The following IPO11 variants were observed in gnomAD, a reference collection of about 807,000 sequenced individuals.
IPO11 encodes importin 11.
A neutral mutation model predicts 143.2 loss-of-function variants in IPO11; 66 were observed. That is an observed-to-expected ratio of 0.46 (90% confidence interval 0.38 to 0.57). The LOEUF (loss-of-function observed/expected upper bound fraction) is 0.57, where lower values mean the gene tolerates loss of function less well. IPO11 is among the 20% of genes least tolerant of loss of function. The pLI is 0.00. For synonymous variants in IPO11, 385 were observed against 377.8 expected (o/e 1.02, Z -0.22); for missense variants, 1,026 against 1,141.0 (o/e 0.90, Z 1.45).
intron 27 of IPO11, among the ~76,000 whole-genome samples, chr5:62,587,788 T>A (rs1283424573): frequency 1.3e-5 from 2 of 152,226 alleles, no homozygotes; most frequent in African/African-American, 4.8e-5. Context: ...GATACTATTA[T>A]GCCTCCATGT....
At chr5:62,450,780 T>A (rs1206330141) in intron 4 of IPO11, among the ~76,000 whole-genome samples, 1 of 152,122 alleles carries the variant, frequency 6.6e-6, no homozygotes, top group Non-Finnish European at 1.5e-5. Context: ...TACAGCTTTA[T>A]CTTTTTTTTT....
At chr5:62,548,296 G>A (rs1342936150) in intron 24 of IPO11, among the ~76,000 whole-genome samples, 1 of 152,060 alleles carries the variant, frequency 6.6e-6, no homozygotes, top group Non-Finnish European at 1.5e-5. Context: ...TGTCCAATAT[G>A]TTCAGACACA....
chr5:62,449,888 G>A, intron 3 of IPO11, 39 bp from the exon 4 acceptor site: 1 of 1,251,960 alleles, frequency 8.0e-7, no homozygotes, highest in Non-Finnish European at 1.1e-6. Context: ...TTATTAGGTG[G>A]CATTCTTTTG....
chr5:62,445,034 T>C (rs919104052), intron 3 of IPO11, among the ~76,000 whole-genome samples: 1 of 152,028 alleles, frequency 6.6e-6, no homozygotes, highest in African/African-American at 2.4e-5. Flanking sequence ...TAAAAAGTTA[T>C]GAGATAATTT....
At chr5:62,616,583 G>A (rs568476551) in intron 29 of IPO11, among the ~76,000 whole-genome samples, 2 of 151,890 alleles carry the variant, frequency 1.3e-5, no homozygotes, top group South Asian at 2.1e-4. Flanking sequence ...AGCTGGGCAC[G>A]GTGGCATGCC....
intron 5 of IPO11, among the ~76,000 whole-genome samples, chr5:62,455,082 G>A (rs1745083131): frequency 6.6e-6 from 1 of 152,162 alleles, no homozygotes; most frequent in African/African-American, 2.4e-5. Flanking sequence ...ATTGAAGGTA[G>A]CATTTGTGGG....
chr5:62,442,803 G>T (rs1744538986), intron 2 of IPO11, among the ~76,000 whole-genome samples, 180 bp from the exon 3 acceptor site: 2 of 152,160 alleles, frequency 1.3e-5, no homozygotes, highest in Admixed American at 1.3e-4. Flanking sequence ...GGCGGAGGTT[G>T]CAGTGAGCCG....
At chr5:62,463,738 C>T (rs188385105) in intron 5 of IPO11, among the ~76,000 whole-genome samples, 1 of 150,774 alleles carries the variant, frequency 6.6e-6, no homozygotes, top group East Asian at 1.9e-4. Context: ...TTATACAGTG[C>T]AGTTAATTGT....
At chr5:62,566,895 A>G (rs1743963143) in intron 27 of IPO11, among the ~76,000 whole-genome samples, 2 of 151,966 alleles carry the variant, frequency 1.3e-5, no homozygotes, top group Admixed American at 6.6e-5. Flanking sequence ...TTTAGCTTCT[A>G]TTGTCCAGGC....
intron 20 of IPO11, among the ~76,000 whole-genome samples, chr5:62,518,956 T>A (rs1178616462): frequency 6.6e-6 from 1 of 152,190 alleles, no homozygotes; most frequent in Non-Finnish European, 1.5e-5. Context: ...AGGGAAATAC[T>A]GAATAAGTGT....
intron 1 of IPO11, among the ~76,000 whole-genome samples, chr5:62,420,616 G>A (rs1233962145): frequency 3.4e-5 from 5 of 146,098 alleles, no homozygotes; most frequent in Non-Finnish European, 6.0e-5. Context: ...GTCTCACTCT[G>A]TCACCCAGGC....
At chr5:62,517,987 G>A (rs537381527) in intron 20 of IPO11, among the ~76,000 whole-genome samples, 2 of 151,956 alleles carry the variant, frequency 1.3e-5, no homozygotes, top group Admixed American at 1.3e-4. Context: ...ATATTTTTCA[G>A]CCGTTTGGGA....
At position 62,490,099 on chromosome 5, in the gene IPO11, T is replaced by G; in HGVS notation, c.1358-16T>G. 6.6e-7 allele frequency: 1 copy of G among 1,511,466 alleles called. No homozygotes were observed. The highest frequency in any genetic ancestry group is 2.4e-5 in the East Asian group (1 of 42,176). The allele number at this position is 1,511,466 out of a possible 1,614,324, so 93.6% of individuals were successfully genotyped here. ...ATCTGAAACCTTTAATTTTTTTTCT[T>G]AAATTTTCTTCTCAGTGTATAATGC... is the stretch of plus-strand genomic sequence containing the variant. On this transcript the variant is annotated splice_polypyrimidine_tract_variant and intron_variant, in intron 14 of 29. Transcript: ENST00000325324.
At chr5:62,577,768 T>C (rs1052185643) in intron 27 of IPO11, among the ~76,000 whole-genome samples, 1 of 152,134 alleles carries the variant, frequency 6.6e-6, no homozygotes, top group Admixed American at 6.6e-5. Flanking sequence ...AGCTTTCTAA[T>C]ATGGACATAA....
At chr5:62,415,937 C>G (rs913784179) in intron 1 of IPO11, among the ~76,000 whole-genome samples, 1 of 152,112 alleles carries the variant, frequency 6.6e-6, no homozygotes, top group Non-Finnish European at 1.5e-5. Flanking sequence ...GGCAATATTT[C>G]CTTCATGTGT....
rs535621295 is a variant in IPO11 at position 62,541,389 on chromosome 5, T to C, written c.2250+4100T>C. Among the ~76,000 whole-genome samples the C allele has an allele frequency of 5.1e-3, 757 of 148,966 alleles. 1 individual carries two copies. The highest frequency in any genetic ancestry group is 7.9e-3 in the Non-Finnish European group (527 of 67,096). On this transcript the variant is annotated intron_variant, in intron 24 of 29. Transcript: ENST00000325324. ...GCTGTCTCAAAAAAAAAAAAAAAAA[T>C]TGTATTTTGACCAGGCGTGGTGGCT...
At chr5:62,506,019 A>G (rs1366448974) in intron 18 of IPO11, among the ~76,000 whole-genome samples, 1 of 152,102 alleles carries the variant, frequency 6.6e-6, no homozygotes, top group Admixed American at 6.5e-5. Flanking sequence ...AAATTCTGAA[A>G]TGGACACATT....
intron 16 of IPO11, among the ~76,000 whole-genome samples, chr5:62,496,161 G>A (rs1208552956): frequency 6.6e-6 from 1 of 151,932 alleles, no homozygotes; most frequent in Non-Finnish European, 1.5e-5. Context: ...GGTGGCATGC[G>A]CCTGTAGTCC....
intron 16 of IPO11, among the ~76,000 whole-genome samples, chr5:62,499,569 CTTTTTTTTT>C (rs35545041): frequency 2.0e-5 from 2 of 100,104 alleles, no homozygotes; most frequent in East Asian, 3.1e-4. Flanking sequence ...CTTACTCTAA[CTTTTTTTTT>C]TTTTTTTTTT....
Sources: gnomAD v4.1 joint callset for allele counts (sites outside exome capture counted in the v4.1 genomes callset) on GRCh38, gnomAD v4.1.1 for gene constraint, MANE v1.5 for transcripts, NCBI Gene and HGNC (gene_info 2026-07-23, HGNC 2026-07-21) for gene names.